The following FYTTD1 variants were observed in gnomAD, a reference collection of about 807,000 sequenced individuals.
FYTTD1 encodes the protein forty-two-three domain containing 1, also known as UAP56-interacting factor.
Under a neutral mutation model 40.9 loss-of-function variants are expected in FYTTD1, and 22 were observed. The observed-to-expected ratio is 0.54, with a 90% CI of 0.38 to 0.77. FYTTD1 has a LOEUF of 0.77. FYTTD1 is among the 30% of genes least tolerant of loss of function. The pLI, the probability that FYTTD1 is intolerant of heterozygous loss-of-function variation, is 0.00. For missense variants in FYTTD1, 351 were observed against 392.2 expected (o/e 0.90, Z 0.89); for synonymous variants, 140 against 137.9 (o/e 1.01, Z -0.10).
intron 5 of FYTTD1, among the ~76,000 whole-genome samples, 163 bp from the exon 6 acceptor site, chr3:197,773,986 C>CA (rs1304948799): frequency 6.7e-6 from 1 of 148,792 alleles, no homozygotes; most frequent in Non-Finnish European, 1.5e-5. Flanking sequence ...CCGCTGCACT[C>CA]ACGCACACGC....
At position 197,773,648 on chromosome 3, in the gene FYTTD1, T is replaced by C. The variant is rs527764539; in HGVS notation, c.594+149T>C. 67 of 564,484 alleles carry C rather than the reference T, an allele frequency of 1.2e-4. No homozygotes were observed. The South Asian group carries it at 1.6e-3, about 13-fold the overall frequency. 35.0% of individuals were successfully genotyped at this position (564,484 alleles called of 1,614,324 possible). On this transcript the variant is annotated intron_variant, in intron 5 of 8. Coordinates refer to ENST00000241502, the MANE Select transcript of FYTTD1 (RefSeq NM_032288.7). ...GGTAGTAGATTAGTTCTTCCTGTTG[T>C]ATGTTTTTTATTTCCCATCTTTTCT... is the stretch of plus-strand genomic sequence containing the variant.
intron 6 of FYTTD1, among the ~76,000 whole-genome samples, chr3:197,776,541 C>G (rs1040890318): frequency 6.6e-6 from 1 of 151,000 alleles, no homozygotes; most frequent in African/African-American, 2.4e-5. Context: ...TTTTTTTTTA[C>G]TATGTAAGCA....
intron 4 of FYTTD1, among the ~76,000 whole-genome samples, chr3:197,770,742 G>A (rs1729693724): frequency 6.6e-6 from 1 of 151,622 alleles, no homozygotes; most frequent in South Asian, 2.1e-4. Flanking sequence ...TAGAGACAGG[G>A]TCTCACCATG....
At position 197,785,343 on chromosome 3, in the gene FYTTD1, G is replaced by A. The variant is rs1730131603; in HGVS notation, c.*3434G>A. 6.6e-6 allele frequency: 1 copy of A among 152,130 alleles called. No individual in the cohort carries two copies. Among genetic ancestry groups the A allele is most frequent in the Non-Finnish European group, 1.5e-5 (1 of 68,018 alleles). The allele number at this position is 152,130 out of a possible 1,614,324, so 9.4% of individuals were successfully genotyped here. On this transcript the variant is annotated 3_prime_UTR_variant, in exon 9 of 9. Transcript: ENST00000241502. ...CGAAAAGTTGGCCCACTGTGTACAT[G>A]GATTTTCCATTCCAAGATGTTTTTT...
At chr3:197,757,804 T>C (rs925735753) in intron 2 of FYTTD1, among the ~76,000 whole-genome samples, 3 of 152,214 alleles carry the variant, frequency 2.0e-5, no homozygotes, top group Non-Finnish European at 2.9e-5. Context: ...TTAAAAAAAA[T>C]TATTCATCTC....
intron 6 of FYTTD1, among the ~76,000 whole-genome samples, chr3:197,774,676 A>G (rs1729821176): frequency 6.6e-6 from 1 of 151,078 alleles, no homozygotes; most frequent in Non-Finnish European, 1.5e-5. Context: ...GCCAGTGCAT[A>G]CCATCCTGAG....
In FYTTD1 at chr3:197,749,937, T is replaced by G; in HGVS notation, c.-35T>G. 6.8e-7 allele frequency: 1 copy of G among 1,460,832 alleles called. No homozygotes were observed. Among genetic ancestry groups the G allele is most frequent in the Non-Finnish European group, 9.3e-7 (1 of 1,076,750 alleles). The allele number at this position is 1,460,832 out of a possible 1,614,324, so 90.5% of individuals were successfully genotyped here. On this transcript the variant is annotated 5_prime_UTR_variant, in exon 1 of 9. Coordinates refer to ENST00000241502, the MANE Select transcript of FYTTD1 (RefSeq NM_032288.7). Reference sequence around the variant, plus strand: ...GGTGGCAGGCCTGCGACTCCGGCCTTGTCCGCGCCCGCTCTCGGCGCGACG... The same window carrying G: ...GGTGGCAGGCCTGCGACTCCGGCCTGGTCCGCGCCCGCTCTCGGCGCGACG...
At chr3:197,751,783 C>G (rs1234885683) in intron 1 of FYTTD1, among the ~76,000 whole-genome samples, 3 of 152,200 alleles carry the variant, frequency 2.0e-5, no homozygotes, top group African/African-American at 7.2e-5. Context: ...CTCGTCATAA[C>G]TCTGTGAGGA....
At chr3:197,760,560 G>T (rs1356520699) in intron 2 of FYTTD1, among the ~76,000 whole-genome samples, 1 of 151,986 alleles carries the variant, frequency 6.6e-6, no homozygotes, top group Non-Finnish European at 1.5e-5. Flanking sequence ...AGAATTTATA[G>T]AGTGTTTTTC....
At chr3:197,771,559 G>T (rs1188099582) in intron 4 of FYTTD1, among the ~76,000 whole-genome samples, 3 of 151,242 alleles carry the variant, frequency 2.0e-5, no homozygotes, top group South Asian at 2.1e-4. Flanking sequence ...GGCGGATCAC[G>T]AGGTCAGGAG....
intron 8 of FYTTD1, among the ~76,000 whole-genome samples, chr3:197,779,837 G>T (rs1208382322): frequency 1.4e-5 from 2 of 144,152 alleles, no homozygotes; most frequent in African/African-American, 2.6e-5. Flanking sequence ...CATACCTGGG[G>T]ATGCAGGCAC....
intron 2 of FYTTD1, among the ~76,000 whole-genome samples, chr3:197,764,479 G>T (rs1051401635): frequency 2.0e-5 from 3 of 152,154 alleles, no homozygotes; most frequent in South Asian, 4.1e-4. Context: ...GGAGGCCGAG[G>T]TGGGCAGATT....
At chr3:197,780,027 G>A (rs533370072) in intron 8 of FYTTD1, among the ~76,000 whole-genome samples, 122 of 141,554 alleles carry the variant, frequency 8.6e-4, no homozygotes, top group Admixed American at 2.2e-3. Flanking sequence ...CACACCTGGG[G>A]ATGCAGGCAC....
upstream of FYTTD1, chr3:197,749,776 A>T: frequency 1.8e-6 from 1 of 557,174 alleles, no homozygotes; most frequent in Non-Finnish European, 3.3e-6. Context: ...GCTAGGAGCG[A>T]GTCACGGCGC....
At chr3:197,765,594 G>A (rs1047262012) in intron 2 of FYTTD1, among the ~76,000 whole-genome samples, 9 of 152,136 alleles carry the variant, frequency 5.9e-5, no homozygotes, top group African/African-American at 2.2e-4. Context: ...AGCCGTGGTG[G>A]CTCACGCCTG....
rs755304777 is a variant in FYTTD1, at chr3:197,771,776, CA to C, written c.497+1553del. On this transcript the variant is annotated intron_variant, in intron 4 of 8. Transcript: ENST00000241502. ...TGGGCGACAGAGCGAGACTCCGTCT[CA>C]AAAAAAAAAAAAAAAAAAAATGCAA... is the stretch of plus-strand genomic sequence containing the variant. Among the ~76,000 whole-genome samples, 221 of 66,420 alleles carry C rather than the reference CA, an allele frequency of 3.3e-3. 3 individuals carry two copies. Among genetic ancestry groups the C allele is most frequent in the African/African-American group, 0.012 (172 of 14,262 alleles). The allele number at this position is 66,420 out of a possible 152,430, so 43.6% of individuals were successfully genotyped here. A position where few individuals can be genotyped will look rare whatever the true frequency, so the allele number is the denominator to read the frequency against.
At chr3:197,777,302 G>GCT (rs1194484155) in intron 7 of FYTTD1, among the ~76,000 whole-genome samples, 6 of 152,140 alleles carry the variant, frequency 3.9e-5, no homozygotes, top group Non-Finnish European at 7.3e-5. Flanking sequence ...TGTTACCCAG[G>GCT]CTGGAGTGCA....
chr3:197,750,392 G>C, intron 1 of FYTTD1: 1 of 1,079,186 alleles, frequency 9.3e-7, no homozygotes, highest in South Asian at 4.4e-5. Flanking sequence ...GAGGGGCTAC[G>C]GCTCGCCGCT....
At chr3:197,757,967 G>T (rs1318618810) in intron 2 of FYTTD1, among the ~76,000 whole-genome samples, 2 of 152,196 alleles carry the variant, frequency 1.3e-5, no homozygotes, top group Admixed American at 1.3e-4. Flanking sequence ...GCAAAGGCAC[G>T]ATCTTGGCTC....
Sources: allele counts gnomAD v4.1 joint callset (sites outside exome capture counted in the v4.1 genomes callset), GRCh38; gene constraint gnomAD v4.1.1; transcripts MANE v1.5; gene names NCBI Gene and HGNC (gene_info 2026-07-23, HGNC 2026-07-21).